Variants in XPOT observed in about 807,000 individuals in gnomAD.
XPOT encodes the protein exportin-T.
XPOT carries 34 observed loss-of-function variants against 128.2 expected under a neutral mutation model. The ratio of observed to expected loss-of-function variants is 0.27; its 90% CI spans 0.20 to 0.35. XPOT has a LOEUF of 0.35. Among genes scored for constraint, XPOT ranks in the 10% least tolerant of loss-of-function variants. The pLI is 1.00. For missense variants in XPOT, 838 were observed against 1,125.3 expected, an observed-to-expected ratio of 0.74 and a Z score of 3.65; for synonymous variants, 348 against 394.3, an observed-to-expected ratio of 0.88 and a Z score of 1.39.
intron 17 of XPOT, among the ~76,000 whole-genome samples, 178 bp downstream of exon 17, chr12:64,430,465 C>T (rs1053830854): frequency 3.3e-5 from 5 of 152,286 alleles, no homozygotes; most frequent in African/African-American, 1.2e-4. Flanking sequence ...GGTTACATAC[C>T]ATTTACATTT....
chr12:64,414,217 A>G (rs1017879371), intron 2 of XPOT, among the ~76,000 whole-genome samples: 5 of 152,238 alleles, frequency 3.3e-5, no homozygotes, highest in Non-Finnish European at 7.3e-5. Flanking sequence ...TGCTGCATCC[A>G]TTCTAGAGTA....
chr12:64,434,464 G>T (rs1390460448), intron 19 of XPOT, 43 bp from the exon 20 acceptor site: 1 of 1,412,694 alleles, frequency 7.1e-7, no homozygotes. Flanking sequence ...TGCTTTCCTA[G>T]TTAATTTTGG....
intron 8 of XPOT, 86 bp downstream of exon 8, chr12:64,420,607 T>A (rs2040129514): frequency 3.7e-6 from 4 of 1,075,788 alleles, no homozygotes; most frequent in Admixed American, 2.5e-5. Flanking sequence ...AATAGCTTTT[T>A]TTCTTCTAAA....
chr12:64,431,922 C>A, intron 18 of XPOT, 99 bp downstream of exon 18: 1 of 1,275,668 alleles, frequency 7.8e-7, no homozygotes, highest in Non-Finnish European at 1.1e-6. Context: ...TTTTTTTTTG[C>A]TTTTAATGAA....
chr12:64,431,937 T>A, intron 18 of XPOT, 114 bp downstream of exon 18: 1 of 1,043,708 alleles, frequency 9.6e-7, no homozygotes. Flanking sequence ...AATGAATTAC[T>A]TAAGAGCCTC....
At chr12:64,426,551 G>A (rs1251704544) in intron 15 of XPOT, among the ~76,000 whole-genome samples, 2 of 152,102 alleles carry the variant, frequency 1.3e-5, no homozygotes, top group Non-Finnish European at 2.9e-5. Context: ...ATGAGGGAGT[G>A]GGGCAAGTGC....
Position 64,414,938 on chromosome 12 carries a change from C to T in XPOT, c.92C>T (p.Ser31Phe), listed in dbSNP as rs765498017. 2 of 1,613,448 alleles carry T rather than the reference C, an allele frequency of 1.2e-6. No individual in the cohort carries two copies. Among genetic ancestry groups the T allele is most frequent in the Admixed American group, 1.7e-5 (1 of 60,022 alleles). ...ALAYFEQLKISPDAWQVCAEA... is the reference protein window; with the variant it reads ...ALAYFEQLKIFPDAWQVCAEA... ...GCCTATTTTGAGCAGTTAAAAATTTCCCCAGATGCCTGGCAGGTGTGTGCA... is the reference window on the plus strand; with the variant it reads ...GCCTATTTTGAGCAGTTAAAAATTTTCCCAGATGCCTGGCAGGTGTGTGCA... Residue 31 changes from serine to phenylalanine, a missense_variant, in exon 3 of 25, where the codon TCC becomes TTC. Ser to Phe is a radical substitution (Grantham distance 155, BLOSUM62 -2). This residue lies in a region of XPOT where 761 missense variants were observed against 988.3 expected (regional missense o/e 0.77). Transcript: ENST00000332707.
At chr12:64,417,966 C>A (rs1806771583) in intron 4 of XPOT, 80 bp from the exon 5 acceptor site, 3 of 1,153,056 alleles carry the variant, frequency 2.6e-6, no homozygotes, top group East Asian at 5.0e-5. Context: ...TTTTCCCTTT[C>A]AAATATATGA....
chr12:64,431,223 C>A (rs1435530354), intron 17 of XPOT, among the ~76,000 whole-genome samples: 1 of 152,158 alleles, frequency 6.6e-6, no homozygotes, highest in African/African-American at 2.4e-5. Context: ...GAATTAGAAG[C>A]ATGAGCCACA....
chr12:64,417,702 A>G (rs549188787), intron 4 of XPOT, among the ~76,000 whole-genome samples: 78 of 152,320 alleles, frequency 5.1e-4, no homozygotes, highest in Admixed American at 1.1e-3. Context: ...CTGACTTACT[A>G]ATTAAGCAAA....
Position 64,414,983 on chromosome 12 carries a change from C to T in XPOT, c.137C>T (p.Thr46Ile), listed in dbSNP as rs1400904750. 11 of 1,608,550 alleles carry T rather than the reference C, an allele frequency of 6.8e-6. No homozygotes were observed. The Admixed American group carries it at 1.5e-4, about 22-fold the overall frequency. ...QVCAEALAQR[T>I]YSDDHVKFFC... ...TGTGCAGAAGCTCTAGCCCAGAGGA[C>T]ATACAGGTAATTAAAAACAAAATTT... Residue 46 changes from threonine (T) to isoleucine (I), a missense_variant, in exon 3 of 25, where the codon ACA becomes ATA. Thr to Ile is a moderately conservative substitution (Grantham distance 89). Coordinates refer to ENST00000332707, the MANE Select transcript of XPOT (RefSeq NM_007235.6).
rs201000563 is a variant in XPOT at position 64,433,560 on chromosome 12, A to G, written c.2409A>G (p.Gln803=). 1.5e-5 allele frequency: 24 copies of G among 1,612,660 alleles called. No homozygotes were observed. In the East Asian group the frequency reaches 4.9e-4, roughly 33 times the overall value. ...GGAGGAGTTACTTTGCTTTCCTGCA[A>G]ACAGTCACAGGCAGTGGGATGAGCG... is the stretch of plus-strand genomic sequence containing the variant. ...MLRRSYFAFL[Q]TVTGSGMSEV... The change falls in exon 19 of 25, where the codon CAA becomes CAG. Residue 803 remains glutamine, a synonymous_variant. Transcript: ENST00000332707.
intron 15 of XPOT, among the ~76,000 whole-genome samples, chr12:64,427,213 G>T (rs2040200101): frequency 6.8e-6 from 1 of 147,748 alleles, no homozygotes; most frequent in Non-Finnish European, 1.5e-5. Context: ...CCTGCCTCCT[G>T]GGTTGAAGCG....
At chr12:64,424,516 A>G (rs1311303436) in intron 11 of XPOT, 83 bp from the exon 12 acceptor site, 1 of 1,457,958 alleles carries the variant, frequency 6.9e-7, no homozygotes, top group South Asian at 1.4e-5. Flanking sequence ...GGTTTGTTAC[A>G]TAGGTATACA....
In XPOT at chr12:64,414,352, T is replaced by TGC. The variant is rs2040067489; in HGVS notation, c.61-554_61-553dup. On this transcript the variant is annotated intron_variant, in intron 2 of 24. Coordinates refer to ENST00000332707, the MANE Select transcript of XPOT (RefSeq NM_007235.6). ...TTAATATTTTTCAAAATTCATATCA[T>TGC]GCACTTGTACTCCAATTTTAATCTC... is the stretch of plus-strand genomic sequence containing the variant. Among the ~76,000 whole-genome samples, 4 of 152,216 alleles carry TGC rather than the reference T, an allele frequency of 2.6e-5. No individual in the cohort carries two copies. In the South Asian group the frequency reaches 8.3e-4, roughly 31 times the overall value.
chr12:64,433,601 A>C lies in XPOT; in HGVS notation c.2450A>C (p.Gln817Pro). 3 of 1,597,566 alleles carry C rather than the reference A, an allele frequency of 1.9e-6. No individual in the cohort carries two copies. The highest frequency in any genetic ancestry group is 2.6e-6 in the Non-Finnish European group (3 of 1,169,168). Residue 817 changes from glutamine (Q) to proline (P), a missense_variant and splice_region_variant, in exon 19 of 25, where the codon CAA becomes CCA. Gln to Pro is a moderately conservative substitution (Grantham distance 76, BLOSUM62 -1). Transcript: ENST00000332707. ...GSGMSEVIANQGAENVERVLV... is the reference protein window; with the variant it reads ...GSGMSEVIANPGAENVERVLV... ...GGGATGAGCGAAGTTATAGCAAATC[A>C]AGGTGGGAACACATGCCATATCTAA...
intron 24 of XPOT, among the ~76,000 whole-genome samples, chr12:64,447,604 G>A (rs1319252303): frequency 2.6e-5 from 4 of 151,658 alleles, no homozygotes; most frequent in Middle Eastern, 3.2e-3. Flanking sequence ...TCAGCCTCCC[G>A]AATAGCTGGG....
chr12:64,427,650 A>T (rs187774228), intron 15 of XPOT, among the ~76,000 whole-genome samples: 13 of 151,960 alleles, frequency 8.6e-5, no homozygotes, highest in Admixed American at 7.9e-4. Context: ...GCGTGTGACG[A>T]TGGCCGGCTA....
chr12:64,422,922 A>T, intron 9 of XPOT, 83 bp from the exon 10 acceptor site: 2 of 1,203,480 alleles, frequency 1.7e-6, no homozygotes, highest in Non-Finnish European at 2.4e-6. Context: ...AAAAAAAACC[A>T]GGTCTTAATT....
Sources: gnomAD v4.1 joint callset for allele counts (sites outside exome capture counted in the v4.1 genomes callset) on GRCh38, gnomAD v4.1.1 for gene constraint, gnomAD v4.1.1 regional missense constraint, MANE v1.5 for transcripts, NCBI Gene and HGNC (gene_info 2026-07-23, HGNC 2026-07-21) for gene names.